Variants in ABHD17B observed in about 807,000 individuals in gnomAD.
ABHD17B encodes the protein abhydrolase domain containing 17B, depalmitoylase.
In ABHD17B, 9 loss-of-function variants were observed where a neutral mutation model predicts 26.2. The observed-to-expected ratio is 0.34, with a 90% confidence interval of 0.21 to 0.60. The LOEUF is 0.60. Ranked by LOEUF, ABHD17B falls within the 20% of genes least tolerant of loss-of-function variation. ABHD17B has a pLI of 0.80. For synonymous variants in ABHD17B, 127 were observed against 122.3 expected (o/e 1.04, Z -0.25); for missense variants, 224 against 352.1 (o/e 0.64, Z 2.91).
At chr9:71,894,087 CAAAAAAAAAAAAAAAA>C (rs1180729763) in intron 1 of ABHD17B, among the ~76,000 whole-genome samples, 98 of 52,328 alleles carry the variant, frequency 1.9e-3, no homozygotes, top group African/African-American at 8.4e-3. Context: ...GACTCTATCT[CAAAAAAAAAAAAAAAA>C]AAAAAAAAAA....
intron 3 of ABHD17B, among the ~76,000 whole-genome samples, chr9:71,868,688 C>G (rs950105649): frequency 6.6e-6 from 1 of 152,078 alleles, no homozygotes; most frequent in African/African-American, 2.4e-5. Context: ...CTTTTTCAAA[C>G]AGTTTATTTT....
chr9:71,863,008 G>GA (rs904010850), downstream of ABHD17B, among the ~76,000 whole-genome samples: 24 of 147,994 alleles, frequency 1.6e-4, no homozygotes, highest in Non-Finnish European at 2.7e-4. Flanking sequence ...AAATCACCGA[G>GA]AAAAAAAAAA....
intron 1 of ABHD17B, among the ~76,000 whole-genome samples, chr9:71,903,232 A>T (rs1251245013): frequency 6.6e-6 from 1 of 152,024 alleles, no homozygotes; most frequent in Non-Finnish European, 1.5e-5. Context: ...TTTATGGGGT[A>T]CATGTGTTTG....
intron 1 of ABHD17B, among the ~76,000 whole-genome samples, chr9:71,908,752 G>GT (rs1264844606): frequency 6.6e-6 from 1 of 152,134 alleles, no homozygotes; most frequent in Non-Finnish European, 1.5e-5. Flanking sequence ...TCAAAACAAA[G>GT]TAAGAGCACT....
Position 71,866,703 on chromosome 9 carries a change from A to G in ABHD17B, c.*84T>C. On this transcript the variant is annotated 3_prime_UTR_variant, in exon 4 of 4. Coordinates refer to ENST00000333421, the MANE Select transcript of ABHD17B (RefSeq NM_001025780.3). The stretch of plus-strand genomic sequence containing the variant: ...TGAAGGCAACTGACATGATTTGCAA[A>G]CAAAACCTTCAGGTTTTATGTTATT... 6.5e-7 allele frequency: 1 copy of G among 1,541,668 alleles called. No individual in the cohort carries two copies. The highest frequency in any genetic ancestry group is 2.4e-5 in the East Asian group (1 of 42,098).
intron 2 of ABHD17B, among the ~76,000 whole-genome samples, chr9:71,872,643 C>A (rs1257824087): frequency 6.6e-6 from 1 of 152,110 alleles, no homozygotes; most frequent in South Asian, 2.1e-4. Context: ...TGAACCTTAT[C>A]ACTCAATAAA....
chr9:71,878,838 C>A (rs1826356570), intron 1 of ABHD17B, among the ~76,000 whole-genome samples: 1 of 152,044 alleles, frequency 6.6e-6, no homozygotes, highest in African/African-American at 2.4e-5. Flanking sequence ...CTTTGAAAAA[C>A]TCCAGCAAGG....
intron 1 of ABHD17B, among the ~76,000 whole-genome samples, chr9:71,876,102 T>C (rs1011761137): frequency 4.6e-5 from 7 of 152,216 alleles, no homozygotes; most frequent in Admixed American, 3.9e-4. Flanking sequence ...TATGTATGTA[T>C]GTAATTACTG....
chr9:71,899,123 GAAA>G (rs78909056), intron 1 of ABHD17B, among the ~76,000 whole-genome samples: 3 of 137,218 alleles, frequency 2.2e-5, no homozygotes, highest in Non-Finnish European at 3.2e-5. Context: ...GACTCTCAGG[GAAA>G]AAAAAAAAAA....
rs111859661 is a variant in ABHD17B at position 71,893,816 on chromosome 9, G to A, written c.-4+16818C>T. Among the ~76,000 whole-genome samples the A allele has an allele frequency of 3.7e-3, 569 of 152,268 alleles. 3 individuals are homozygous for A. Among genetic ancestry groups the A allele is most frequent in the Middle Eastern group, 0.014 (4 of 294 alleles). Reference sequence around the variant, plus strand: ...TACAAAGATACTTCACTGGCCGGGCGCGGTGGCTCACGCCTGTAATCCCAG... The same window carrying A: ...TACAAAGATACTTCACTGGCCGGGCACGGTGGCTCACGCCTGTAATCCCAG... On this transcript the variant is annotated intron_variant, in intron 1 of 3. Transcript: ENST00000333421.
intron 1 of ABHD17B, among the ~76,000 whole-genome samples, chr9:71,892,658 G>A (rs534214649): frequency 2.6e-4 from 39 of 151,646 alleles, no homozygotes; most frequent in African/African-American, 8.5e-4. Flanking sequence ...AATTTGGGGG[G>A]GGGAAGGCAG....
intron 1 of ABHD17B, among the ~76,000 whole-genome samples, chr9:71,903,217 A>G (rs1827193598): frequency 6.6e-6 from 1 of 151,836 alleles, no homozygotes; most frequent in Non-Finnish European, 1.5e-5. Context: ...ATAATATTTT[A>G]CCTATTTATG....
chr9:71,889,307 A>C (rs1826707672), intron 1 of ABHD17B, among the ~76,000 whole-genome samples: 1 of 108,816 alleles, frequency 9.2e-6, no homozygotes, highest in Admixed American at 1.1e-4. Context: ...ACAGTGCGAG[A>C]CTCCGTCTAA....
Position 71,869,954 on chromosome 9 carries a change from C to T in ABHD17B, c.647+129G>A. 3 of 854,058 alleles carry T rather than the reference C, an allele frequency of 3.5e-6. No individual in the cohort carries two copies. In the South Asian group the frequency reaches 6.3e-5, roughly 18 times the overall value. 52.9% of individuals were successfully genotyped at this position (854,058 alleles called of 1,614,324 possible). On this transcript the variant is annotated intron_variant, in intron 3 of 3. Coordinates refer to ENST00000333421, the MANE Select transcript of ABHD17B (RefSeq NM_001025780.3). ...ATACCCTCTTTACAAATTAATTTTTCATAATTTCTATGTGCTAATATATAT... is the reference window on the plus strand; with the variant it reads ...ATACCCTCTTTACAAATTAATTTTTTATAATTTCTATGTGCTAATATATAT...
downstream of ABHD17B, among the ~76,000 whole-genome samples, chr9:71,864,213 CTTTTTT>C (rs762446648): frequency 1.5e-4 from 12 of 80,396 alleles, no homozygotes; most frequent in South Asian, 1.1e-3. Context: ...GCCAAACTTT[CTTTTTT>C]TTTTTTTTTT....
At chr9:71,882,496 T>TA (rs1156462462) in intron 1 of ABHD17B, among the ~76,000 whole-genome samples, 2 of 151,948 alleles carry the variant, frequency 1.3e-5, no homozygotes, top group African/African-American at 4.8e-5. Flanking sequence ...CCGCCTCTAC[T>TA]AAAAACACAA....
chr9:71,910,123 C>A (rs1444234724), intron 1 of ABHD17B, among the ~76,000 whole-genome samples: 1 of 152,092 alleles, frequency 6.6e-6, no homozygotes, highest in Non-Finnish European at 1.5e-5. Context: ...ACACAAATCG[C>A]CAAGCCCCGT....
At chr9:71,870,326 A>G (rs1826075716) in intron 2 of ABHD17B, 64 bp from the exon 3 acceptor site, 2 of 1,390,992 alleles carry the variant, frequency 1.4e-6, no homozygotes. Context: ...ATGTTCCATC[A>G]TTCCAAAGGA....
At position 71,910,916 on chromosome 9, in the gene ABHD17B, C is replaced by G. The variant is rs1384658751; in HGVS notation, c.-286G>C. The G allele has an allele frequency of 1.3e-5, 2 of 152,276 alleles. No homozygotes were observed. The highest frequency in any genetic ancestry group is 4.8e-5 in the African/African-American group (2 of 41,442). The allele number at this position is 152,276 out of a possible 1,614,324, so 9.4% of individuals were successfully genotyped here. ...GCTCGCGTTCTGCTGACTAACGGCC[C>G]CGGTGCGGGGCGCTGGAGCGGCCGC... is the stretch of plus-strand genomic sequence containing the variant. On this transcript the variant is annotated 5_prime_UTR_variant, in exon 1 of 4. Coordinates refer to ENST00000333421, the MANE Select transcript of ABHD17B (RefSeq NM_001025780.3).
Sources: allele counts gnomAD v4.1 joint callset (sites outside exome capture counted in the v4.1 genomes callset), GRCh38; gene constraint gnomAD v4.1.1; transcripts MANE v1.5; gene names NCBI Gene and HGNC (gene_info 2026-07-23, HGNC 2026-07-21).